USP40: variants seen among roughly 807,000 people sequenced by gnomAD.
The protein encoded by USP40 is ubiquitin specific peptidase 40.
Under a neutral mutation model 166.2 loss-of-function variants are expected in USP40, and 143 were observed. The observed-to-expected ratio is 0.86, with a 90% CI of 0.75 to 0.99. The LOEUF (loss-of-function observed/expected upper bound fraction) is 0.99, where lower values mean the gene tolerates loss of function less well. USP40 is among the 50% of genes least tolerant of loss of function. The probability of loss-of-function intolerance (pLI) is 0.00; values close to 1 mark genes in which losing one functional copy is unlikely to be tolerated. For missense variants in USP40, 1,444 were observed against 1,479.7 expected, an observed-to-expected ratio of 0.98 and a Z score of 0.40; for synonymous variants, 498 against 524.0, an observed-to-expected ratio of 0.95 and a Z score of 0.68.
chr2:233,533,036 G>C (rs1371445191), intron 11 of USP40, among the ~76,000 whole-genome samples: 2 of 151,814 alleles, frequency 1.3e-5, no homozygotes, highest in African/African-American at 4.8e-5. Flanking sequence ...AGAAATAAAA[G>C]ATATAAATAA....
At chr2:233,510,392 CTTTTTTTTTTTTT>C (rs1158427662) in intron 20 of USP40, among the ~76,000 whole-genome samples, 5 of 68,682 alleles carry the variant, frequency 7.3e-5, no homozygotes, top group South Asian at 5.2e-4. Flanking sequence ...CTTTTTCTTT[CTTTTTTTTTTTTT>C]TTTTTTTTTT....
intron 31 of USP40, among the ~76,000 whole-genome samples, chr2:233,479,488 G>A (rs564434067): frequency 5.9e-5 from 9 of 152,094 alleles, no homozygotes; most frequent in Admixed American, 1.3e-4. Context: ...GCTTGAACCC[G>A]GGAGGCGGAG....
chr2:233,557,164 G>T, intron 4 of USP40, 145 bp from the exon 5 acceptor site: 1 of 705,754 alleles, frequency 1.4e-6, no homozygotes, highest in South Asian at 2.0e-5. Context: ...AACAAGCTGA[G>T]CTGGTTAAGA....
chr2:233,481,277 ATCG>A lies in USP40; in HGVS notation c.3522_3524del (p.Asp1177del), dbSNP rs747450600. On this transcript the variant is annotated inframe_deletion, in exon 31 of 32. Coordinates refer to ENST00000678225, the MANE Select transcript of USP40 (RefSeq NM_001365479.2). The stretch of plus-strand genomic sequence containing the variant: ...CATCTCTGATTGTACTGAAATCATC[ATCG>A]TCGTCAATCAGGAGATTCTACATTT... 7.5e-6 allele frequency: 12 copies of A among 1,601,308 alleles called. No individual in the cohort carries two copies. In the South Asian group the frequency reaches 1.2e-4, roughly 17 times the overall value.
At chr2:233,518,185 CAATA>C (rs1326069902) in intron 18 of USP40, among the ~76,000 whole-genome samples, 1 of 96,058 alleles carries the variant, frequency 1.0e-5, no homozygotes, top group African/African-American at 4.0e-5. Context: ...GAAAAAATAA[CAATA>C]AAAAATGTGC....
intron 12 of USP40, among the ~76,000 whole-genome samples, chr2:233,528,427 C>G (rs1257482717): frequency 6.6e-6 from 1 of 152,068 alleles, no homozygotes; most frequent in African/African-American, 2.4e-5. Context: ...AGGGTCTGAC[C>G]AATGTGGAGC....
At position 233,529,346 on chromosome 2, in the gene USP40, A is replaced by T; in HGVS notation, c.1553+85T>A. 9 of 1,175,406 alleles carry T rather than the reference A, an allele frequency of 7.7e-6. No individual in the cohort carries two copies. The Admixed American group carries it at 1.2e-4, about 16-fold the overall frequency. 72.8% of individuals were successfully genotyped at this position (1,175,406 alleles called of 1,614,324 possible). A position where few individuals can be genotyped will look rare whatever the true frequency, so the allele number is the denominator to read the frequency against. On this transcript the variant is annotated intron_variant, in intron 12 of 31. Transcript: ENST00000678225. ...AAGTTGACTATTTTTTTTCTTTTTA[A>T]TTTTCATTACTGAATGCTTAAGGCC...
At chr2:233,503,760 A>G (rs2066232512) in intron 21 of USP40, among the ~76,000 whole-genome samples, 1 of 152,220 alleles carries the variant, frequency 6.6e-6, no homozygotes, top group Admixed American at 6.5e-5. Context: ...TCTTACAAGA[A>G]AATACTTAAG....
rs367688735 is a variant in USP40, at chr2:233,488,742, C to T, written c.3132-438G>A. On this transcript the variant is annotated intron_variant, in intron 27 of 31. Transcript: ENST00000678225. ...CAGACTGGGCAACATAGGGAGACCT[C>T]GTCAAAACAAAAAATTAGCCTGGTG... 8.7e-4 allele frequency among the ~76,000 whole-genome samples: 133 copies of T among 152,086 alleles called. 1 individual carries two copies. Among genetic ancestry groups the T allele is most frequent in the African/African-American group, 3.1e-3 (130 of 41,482 alleles).
intron 5 of USP40, among the ~76,000 whole-genome samples, chr2:233,556,249 T>C (rs1281663647): frequency 2.6e-5 from 4 of 151,972 alleles, no homozygotes; most frequent in African/African-American, 9.7e-5. Flanking sequence ...ATAAGATTTG[T>C]AGGGCAAACA....
In USP40 at chr2:233,527,597, A is replaced by G. The variant is rs2068129233; in HGVS notation, c.1554-19T>C. The G allele has an allele frequency of 6.4e-7, 1 of 1,571,128 alleles. No homozygotes were observed. Among genetic ancestry groups the G allele is most frequent in the Non-Finnish European group, 8.6e-7 (1 of 1,160,338 alleles). On this transcript the variant is annotated intron_variant, in intron 12 of 31. Coordinates refer to ENST00000678225, the MANE Select transcript of USP40 (RefSeq NM_001365479.2). ...TTCTGCCCTTTAAAGAGGCACAAAA[A>G]TACATAAATACTGTGTTTTTATAAC... is the stretch of plus-strand genomic sequence containing the variant.
intron 10 of USP40, among the ~76,000 whole-genome samples, chr2:233,535,579 G>T (rs1254070378): frequency 2.0e-5 from 3 of 152,132 alleles, no homozygotes; most frequent in Admixed American, 6.6e-5. Context: ...AGCCAAAATT[G>T]TAACAGACCC....
intron 29 of USP40, 52 bp from the exon 30 acceptor site, chr2:233,485,678 A>T (rs1262185243): frequency 6.2e-7 from 1 of 1,602,966 alleles, no homozygotes; most frequent in Non-Finnish European, 8.5e-7. Flanking sequence ...TCAAGTTCTC[A>T]CTAACTTCTC....
At chr2:233,549,412 C>T (rs1035315561) in intron 7 of USP40, among the ~76,000 whole-genome samples, 183 bp from the exon 8 acceptor site, 2 of 151,904 alleles carry the variant, frequency 1.3e-5, no homozygotes, top group Non-Finnish European at 2.9e-5. Context: ...GATCTAATGG[C>T]CAGTCACACT....
chr2:233,527,284 C>T, intron 13 of USP40, 123 bp downstream of exon 13: 1 of 1,097,352 alleles, frequency 9.1e-7, no homozygotes. Context: ...TATGAAGTGG[C>T]AGATGTCAGA....
At chr2:233,502,457 T>C (rs1467157285) in intron 21 of USP40, among the ~76,000 whole-genome samples, 1 of 152,134 alleles carries the variant, frequency 6.6e-6, no homozygotes, top group African/African-American at 2.4e-5. Flanking sequence ...AATGCTCCAA[T>C]GAATATTTTC....
chr2:233,550,045 C>T (rs187694284), intron 7 of USP40, among the ~76,000 whole-genome samples: 1 of 152,226 alleles, frequency 6.6e-6, no homozygotes, highest in Admixed American at 6.5e-5. Flanking sequence ...TCTAAAACTA[C>T]ATGATATAAG....
chr2:233,478,724 G>A (rs914400166), intron 31 of USP40, among the ~76,000 whole-genome samples: 2 of 152,192 alleles, frequency 1.3e-5, no homozygotes, highest in Non-Finnish European at 2.9e-5. Flanking sequence ...GTCTACCCAT[G>A]CATCAGGACA....
At chr2:233,519,470 T>A (rs1472490153) in intron 18 of USP40, 144 bp downstream of exon 18, 2 of 570,870 alleles carry the variant, frequency 3.5e-6, no homozygotes, top group Non-Finnish European at 6.4e-6. Flanking sequence ...AACAAACATA[T>A]GACAAAATGT....
Sources: allele counts gnomAD v4.1 joint callset (sites outside exome capture counted in the v4.1 genomes callset), GRCh38; gene constraint gnomAD v4.1.1; transcripts MANE v1.5; gene names NCBI Gene and HGNC (gene_info 2026-07-23, HGNC 2026-07-21).